Variants in TRAPPC9 observed in about 807,000 individuals in gnomAD.
The protein encoded by TRAPPC9 is IKK2 binding protein.
TRAPPC9 carries 83 observed loss-of-function variants against 124.0 expected under a neutral mutation model. The observed-to-expected ratio is 0.67, with a 90% CI of 0.56 to 0.80. TRAPPC9 has a LOEUF of 0.80. Among genes scored for constraint, TRAPPC9 ranks in the 30% least tolerant of loss-of-function variants. The pLI is 0.00. For missense variants in TRAPPC9, 1,302 were observed against 1,508.3 expected (o/e 0.86, Z 2.27); for synonymous variants, 638 against 617.5 (o/e 1.03, Z -0.49).
chr8:139,812,127 T>A (rs1993728), intron 21 of TRAPPC9, among the ~76,000 whole-genome samples: 4,329 of 152,270 alleles, frequency 0.028, 165 homozygotes, highest in East Asian at 0.13. Flanking sequence ...TTTGGTGGTA[T>A]TGAGAGGAAT....
intron 17 of TRAPPC9, chr8:140,099,878 C>CA (rs1362111241): frequency 1.3e-5 from 2 of 150,182 alleles, no homozygotes; most frequent in Non-Finnish European, 3.0e-5. Context: ...TGCGCAGCTG[C>CA]AGGAGTGCCA....
chr8:140,001,290 A>G (rs912245855), intron 18 of TRAPPC9, among the ~76,000 whole-genome samples: 1 of 152,140 alleles, frequency 6.6e-6, no homozygotes, highest in African/African-American at 2.4e-5. Context: ...CCTAATGTAA[A>G]TGACGAGTTG....
chr8:139,731,127 C>G lies in TRAPPC9; in HGVS notation c.3381G>C (p.Lys1127Asn). 1.2e-6 allele frequency: 2 copies of G among 1,614,002 alleles called. No homozygotes were observed. The highest frequency in any genetic ancestry group is 1.7e-6 in the Non-Finnish European group (2 of 1,180,020). The change falls in exon 23 of 23, where the codon AAG (lysine) becomes AAC (asparagine). Residue 1127 changes from lysine to asparagine, a missense_variant. Lys to Asn is a moderately conservative substitution (Grantham distance 94). Around this residue, in one of 3 missense-constraint regions of TRAPPC9, gnomAD observed 640 missense variants for 679.3 expected, o/e 0.94. Coordinates refer to ENST00000438773, the MANE Select transcript of TRAPPC9 (RefSeq NM_001160372.4). ...HIRFHEDSTS[K>N]ELPPSWFCLP... Reference sequence around the variant, plus strand: ...GGCAGAACCAAGAGGGTGGCAGCTCCTTGCTGGTGCTGTCCTCGTGGAACC... The same window carrying G: ...GGCAGAACCAAGAGGGTGGCAGCTCGTTGCTGGTGCTGTCCTCGTGGAACC...
chr8:140,443,893 A>T (rs2071138047), intron 2 of TRAPPC9, among the ~76,000 whole-genome samples: 1 of 151,642 alleles, frequency 6.6e-6, no homozygotes, highest in South Asian at 2.1e-4. Context: ...AAAATTAGCC[A>T]GGCGTGGTGG....
At chr8:140,206,607 G>A (rs933137070) in intron 17 of TRAPPC9, among the ~76,000 whole-genome samples, 1 of 152,062 alleles carries the variant, frequency 6.6e-6, no homozygotes, top group Non-Finnish European at 1.5e-5. Context: ...TCCACAGTCT[G>A]CATTAAGGAG....
chr8:139,967,011 G>T (rs986681782), intron 19 of TRAPPC9, among the ~76,000 whole-genome samples: 2 of 152,188 alleles, frequency 1.3e-5, no homozygotes, highest in Non-Finnish European at 2.9e-5. Flanking sequence ...TAAAGACGAA[G>T]TTTTAATAAG....
chr8:140,284,116 A>G, intron 13 of TRAPPC9, 95 bp from the exon 14 acceptor site: 1 of 1,546,536 alleles, frequency 6.5e-7, no homozygotes, highest in East Asian at 2.2e-5. Flanking sequence ...GCTCCTCTTC[A>G]GAAGACCTGA....
At chr8:139,982,098 A>C (rs1836941859) in intron 19 of TRAPPC9, among the ~76,000 whole-genome samples, 2 of 151,164 alleles carry the variant, frequency 1.3e-5, no homozygotes. Context: ...ATAATTAGGC[A>C]AAAAAACCCA....
intron 19 of TRAPPC9, among the ~76,000 whole-genome samples, chr8:139,966,821 AT>A (rs1460904177): frequency 6.6e-6 from 1 of 152,194 alleles, no homozygotes; most frequent in African/African-American, 2.4e-5. Context: ...TCAGATGGTC[AT>A]TTCGGTGCAA....
chr8:140,453,839 C>T (rs768964191), intron 1 of TRAPPC9, among the ~76,000 whole-genome samples: 2 of 152,150 alleles, frequency 1.3e-5, no homozygotes, highest in Non-Finnish European at 2.9e-5. Flanking sequence ...TAAAACCCCT[C>T]GGAGGACATA....
At position 139,841,926 on chromosome 8, in the gene TRAPPC9, G is replaced by C. The variant is rs555872151; in HGVS notation, c.3055+43953C>G. The stretch of plus-strand genomic sequence containing the variant: ...GACAATGTCCAGGTTTACTAGACAG[G>C]GCAGGAGGGAAGCTGGGGACCTGGG... On this transcript the variant is annotated intron_variant, in intron 21 of 22. Coordinates refer to ENST00000438773, the MANE Select transcript of TRAPPC9 (RefSeq NM_001160372.4). 7.9e-5 allele frequency among the ~76,000 whole-genome samples: 12 copies of C among 152,364 alleles called. No individual in the cohort carries two copies. The East Asian group carries it at 2.1e-3, about 27-fold the overall frequency.
chr8:140,352,974 T>C (rs1333892438), intron 9 of TRAPPC9, among the ~76,000 whole-genome samples: 1 of 152,168 alleles, frequency 6.6e-6, no homozygotes, highest in East Asian at 1.9e-4. Flanking sequence ...GCAGCAGACA[T>C]TGTTAGGCAC....
intron 19 of TRAPPC9, among the ~76,000 whole-genome samples, chr8:139,940,499 A>G (rs1396982542): frequency 6.6e-6 from 1 of 152,266 alleles, no homozygotes; most frequent in African/African-American, 2.4e-5. Context: ...CAAATGAATC[A>G]GACACATAGC....
intron 21 of TRAPPC9, among the ~76,000 whole-genome samples, chr8:139,748,710 C>G (rs567997895): frequency 6.6e-6 from 1 of 152,150 alleles, no homozygotes; most frequent in Non-Finnish European, 1.5e-5. Flanking sequence ...TCCCTGGAAG[C>G]CTTCCCTCCC....
intron 19 of TRAPPC9, among the ~76,000 whole-genome samples, chr8:139,926,695 G>C (rs919876097): frequency 4.0e-5 from 6 of 151,430 alleles, no homozygotes; most frequent in Non-Finnish European, 8.8e-5. Flanking sequence ...CTCCAGCCTG[G>C]GTGACAGGGT....
At chr8:140,227,093 C>T (rs762766630) in intron 16 of TRAPPC9, among the ~76,000 whole-genome samples, 2 of 152,090 alleles carry the variant, frequency 1.3e-5, no homozygotes, top group African/African-American at 2.4e-5. Context: ...AGCCAGCCTT[C>T]GGAAAACTGA....
chr8:140,439,146 C>T lies in TRAPPC9; in HGVS notation c.636G>A (p.Leu212=), dbSNP rs1351663902. 6 of 1,614,248 alleles carry T rather than the reference C, an allele frequency of 3.7e-6. No homozygotes were observed. Among genetic ancestry groups the T allele is most frequent in the Non-Finnish European group, 5.1e-6 (6 of 1,180,044 alleles). Residue 212 remains leucine (L), a synonymous_variant, in exon 3 of 23, where the codon CTG becomes CTA. Transcript: ENST00000438773. ...QGRMRKHVGD[L]CLQAGMLQDS... ...CCTGCAGCATCCCTGCCTGCAGGCA[C>T]AGGTCCCCCACGTGCTTCCGCATGC...
intron 1 of TRAPPC9, among the ~76,000 whole-genome samples, chr8:140,451,699 A>G (rs2071468526): frequency 6.6e-6 from 1 of 152,218 alleles, no homozygotes; most frequent in Non-Finnish European, 1.5e-5. Context: ...GAGTGAATGA[A>G]TAAACACGTG....
At chr8:139,934,677 A>G (rs1833401073) in intron 19 of TRAPPC9, among the ~76,000 whole-genome samples, 1 of 152,228 alleles carries the variant, frequency 6.6e-6, no homozygotes, top group Non-Finnish European at 1.5e-5. Flanking sequence ...ACATGTGGCC[A>G]CAGGAGGCCC....
Sources: gnomAD v4.1 joint callset for allele counts (sites outside exome capture counted in the v4.1 genomes callset) on GRCh38, gnomAD v4.1.1 for gene constraint, gnomAD v4.1.1 regional missense constraint, MANE v1.5 for transcripts, NCBI Gene and HGNC (gene_info 2026-07-23, HGNC 2026-07-21) for gene names.